CLPTM1L: variants seen among roughly 807,000 people sequenced by gnomAD.
CLPTM1L encodes lipid scramblase CLPTM1L.
Under a neutral mutation model 70.9 loss-of-function variants are expected in CLPTM1L, and 38 were observed. The observed-to-expected ratio is 0.54, with a 90% CI of 0.41 to 0.70. CLPTM1L has a LOEUF of 0.70. CLPTM1L is among the 30% of genes least tolerant of loss of function. The pLI is 0.00. For synonymous variants in CLPTM1L, 339 were observed against 299.9 expected (o/e 1.13, Z -1.35); for missense variants, 652 against 705.9 (o/e 0.92, Z 0.87).
At position 1,341,798 on chromosome 5, in the gene CLPTM1L, A is replaced by C. The variant is rs773500864; in HGVS notation, c.326T>G (p.Phe109Cys). The change falls in exon 3 of 17, where the codon TTC becomes TGC. Residue 109 changes from phenylalanine to cysteine, a missense_variant. Transcript: ENST00000320895. ...CGGCAGGACCCCAGCGTGATGGAGG[A>C]AGATGTAGGCATACAGCGTCCCATT... The part of the protein sequence containing the change: ...RNNGTLYAYI[F>C]LHHAGVLPWH... The C allele has an allele frequency of 9.3e-6, 15 of 1,614,090 alleles. No homozygotes were observed. The highest frequency in any genetic ancestry group is 3.3e-5 in the Admixed American group (2 of 60,018).
chr5:1,335,006 G>C, intron 6 of CLPTM1L, 51 bp downstream of exon 6: 3 of 1,445,520 alleles, frequency 2.1e-6, no homozygotes, highest in Non-Finnish European at 2.9e-6. Context: ...TTGGATGCCC[G>C]AGGGGCTCCA....
intron 15 of CLPTM1L, among the ~76,000 whole-genome samples, chr5:1,321,019 G>A (rs1752118810): frequency 6.6e-6 from 1 of 152,138 alleles, no homozygotes; most frequent in Non-Finnish European, 1.5e-5. Context: ...GGCTGGAGCC[G>A]CCCGAGACAG....
rs186051289 is a variant in CLPTM1L, at chr5:1,339,078, A to G, written c.454-73T>C. ...CCCAGGACAGCAGGGTCAGCCCCCT[A>G]ACCTGCGAACAGAACGGCCACACAG... On this transcript the variant is annotated intron_variant, in intron 3 of 16. Transcript: ENST00000320895. 3.3e-3 allele frequency: 5,010 copies of G among 1,530,288 alleles called. 12 individuals are homozygous for G. Among genetic ancestry groups the G allele is most frequent in the Middle Eastern group, 4.1e-3 (24 of 5,854 alleles). 94.8% of individuals were successfully genotyped at this position (1,530,288 alleles called of 1,614,324 possible).
At position 1,342,608 on chromosome 5, in the gene CLPTM1L, G is replaced by C. The variant is rs1399733279; in HGVS notation, c.264-748C>G. Among the ~76,000 whole-genome samples the C allele has an allele frequency of 6.6e-6, 1 of 152,104 alleles. No homozygotes were observed. The highest frequency in any genetic ancestry group is 1.5e-5 in the Non-Finnish European group (1 of 68,006). Reference sequence around the variant, plus strand: ...CTTCCTCTTTAAAAGTCTCTTTTTTGAGACAAGGTCTCGCTGTCACCAGGC... The same window carrying C: ...CTTCCTCTTTAAAAGTCTCTTTTTTCAGACAAGGTCTCGCTGTCACCAGGC... On this transcript the variant is annotated intron_variant, in intron 2 of 16. Transcript: ENST00000320895. The surrounding 1 kb of genome is among the most constrained non-coding windows in gnomAD (Gnocchi z 4.3).
rs764992450 is a variant in CLPTM1L, at chr5:1,344,410, C to T, written c.204G>A (p.Glu68=). 29 of 1,613,862 alleles carry T rather than the reference C, an allele frequency of 1.8e-5. No individual in the cohort carries two copies. Among genetic ancestry groups the T allele is most frequent in the Non-Finnish European group, 2.5e-5 (29 of 1,179,978 alleles). ...YTTTRSHLGA[E]NNIDLVLNVE... Reference sequence around the variant, plus strand: ...CATTCAAGACCAGGTCGATGTTGTTCTCAGCACCCAGGTGGGACCTCGTCG... The same window carrying T: ...CATTCAAGACCAGGTCGATGTTGTTTTCAGCACCCAGGTGGGACCTCGTCG... The change falls in exon 2 of 17, where the codon GAG becomes GAA. Residue 68 remains glutamate (E), a synonymous_variant. Coordinates refer to ENST00000320895, the MANE Select transcript of CLPTM1L (RefSeq NM_030782.5).
intron 2 of CLPTM1L, among the ~76,000 whole-genome samples, chr5:1,343,142 G>A (rs1376203809): frequency 1.3e-5 from 2 of 151,280 alleles, no homozygotes; most frequent in South Asian, 4.2e-4. Flanking sequence ...AGTGAGCAGA[G>A]ATCACGCCAC....
chr5:1,341,156 T>C (rs1394503340), intron 3 of CLPTM1L, among the ~76,000 whole-genome samples: 1 of 152,242 alleles, frequency 6.6e-6, no homozygotes, highest in Non-Finnish European at 1.5e-5. Flanking sequence ...CATGATCACT[T>C]AAGTGACTTC....
At position 1,334,271 on chromosome 5, in the gene CLPTM1L, C is replaced by T. The variant is rs372080410; in HGVS notation, c.891+18G>A. 7.5e-6 allele frequency: 12 copies of T among 1,604,738 alleles called. No homozygotes were observed. The highest frequency in any genetic ancestry group is 1.0e-5 in the Non-Finnish European group (12 of 1,171,982). On this transcript the variant is annotated intron_variant, in intron 7 of 16. Transcript: ENST00000320895. ...GCCCCCCAAGTGCCTGCGGCAAGCCCCCCGGTGGATGACTCACATGGAACG... is the reference window on the plus strand; with the variant it reads ...GCCCCCCAAGTGCCTGCGGCAAGCCTCCCGGTGGATGACTCACATGGAACG...
rs1280582192 is a variant in CLPTM1L at position 1,320,373 on chromosome 5, C to T, written c.1532+243G>A. ...TGCTTTCAGTGGCTCATCAATAATT[C>T]ACATAGAAACGAGCATTTCTAAAGC... On this transcript the variant is annotated intron_variant, in intron 16 of 16. Transcript: ENST00000320895. 6 of 413,258 alleles carry T rather than the reference C, an allele frequency of 1.5e-5. No homozygotes were observed. In the Admixed American group the frequency reaches 2.6e-4, roughly 18 times the overall value. 25.6% of individuals were successfully genotyped at this position (413,258 alleles called of 1,614,324 possible). A position where few individuals can be genotyped will look rare whatever the true frequency, so the allele number is the denominator to read the frequency against.
intron 10 of CLPTM1L, 43 bp downstream of exon 10, chr5:1,325,701 TCACACTC>T: frequency 6.6e-7 from 1 of 1,525,882 alleles, no homozygotes; most frequent in African/African-American, 1.4e-5. Context: ...GGGGGCAAAA[TCACACTC>T]TTCAGAGAGG....
intron 3 of CLPTM1L, among the ~76,000 whole-genome samples, chr5:1,339,323 G>C (rs1225065056): frequency 1.4e-5 from 2 of 147,510 alleles, no homozygotes. Flanking sequence ...CGGGACAGCA[G>C]GGTCAGCGCC....
chr5:1,339,063 C>G (rs1753770521), intron 3 of CLPTM1L, 58 bp from the exon 4 acceptor site: 2 of 1,574,926 alleles, frequency 1.3e-6, no homozygotes, highest in South Asian at 1.1e-5. Context: ...CCCAGGACAG[C>G]AGGGTCAGCC....
chr5:1,323,929 A>G, intron 11 of CLPTM1L, 60 bp from the exon 12 acceptor site: 7 of 1,288,184 alleles, frequency 5.4e-6, no homozygotes, highest in Non-Finnish European at 7.9e-6. Flanking sequence ...CTGTAAACAC[A>G]CTGCATGGAG....
At chr5:1,327,775 G>C (rs1298746610) in intron 9 of CLPTM1L, among the ~76,000 whole-genome samples, 183 of 88,180 alleles carry the variant, frequency 2.1e-3, no homozygotes, top group East Asian at 4.5e-3. Context: ...CCTCTACAGG[G>C]ACATTCCACC....
chr5:1,318,543 A>G lies in CLPTM1L; in HGVS notation c.1533-90T>C. On this transcript the variant is annotated intron_variant, in intron 16 of 16. Transcript: ENST00000320895. This position sits in a 1 kb window ranked among gnomAD's most constrained non-coding sequence, Gnocchi z 8.9. ...ACTTGGCATCCTCGATTTATTTTCC[A>G]GTGAGCTGCCACAGTGAGCAAATTA... 1.9e-6 allele frequency: 2 copies of G among 1,060,432 alleles called. No individual in the cohort carries two copies. The highest frequency in any genetic ancestry group is 1.3e-5 in the South Asian group (1 of 74,774). 65.7% of individuals were successfully genotyped at this position (1,060,432 alleles called of 1,614,324 possible).
chr5:1,343,060 G>A (rs1177550103), intron 2 of CLPTM1L, among the ~76,000 whole-genome samples: 4 of 152,170 alleles, frequency 2.6e-5, no homozygotes, highest in Non-Finnish European at 5.9e-5. Context: ...GCGTGGTGGC[G>A]GGTGCCTGTA....
rs201366704 is a variant in CLPTM1L at position 1,322,920 on chromosome 5, G to GA, written c.1281-10dup. On this transcript the variant is annotated splice_polypyrimidine_tract_variant and intron_variant, in intron 12 of 16. Transcript: ENST00000320895. ...TTAACCAGGAGTACCAGCTGAAACG[G>GA]AAAAAAAAGGAGAAGTCCTATTTCT... 22,140 of 1,606,540 alleles carry GA rather than the reference G, an allele frequency of 0.014. 179 individuals are homozygous for GA. The highest frequency in any genetic ancestry group is 0.016 in the South Asian group (1,466 of 90,526).
In CLPTM1L at chr5:1,331,632, C is replaced by T. The variant is rs549625727; in HGVS notation, c.976+167G>A. On this transcript the variant is annotated intron_variant, in intron 8 of 16. Coordinates refer to ENST00000320895, the MANE Select transcript of CLPTM1L (RefSeq NM_030782.5). ...GATGGTCCCACCACAATTGCCGCAACGGCTCCCTGGGCTTTACGGTGCCTG... is the reference window on the plus strand; with the variant it reads ...GATGGTCCCACCACAATTGCCGCAATGGCTCCCTGGGCTTTACGGTGCCTG... 494 of 626,504 alleles carry T rather than the reference C, an allele frequency of 7.9e-4. 15 individuals are homozygous for T. The South Asian group carries it at 8.8e-3, about 11-fold the overall frequency. 38.8% of individuals were successfully genotyped at this position (626,504 alleles called of 1,614,324 possible). A position where few individuals can be genotyped will look rare whatever the true frequency, so the allele number is the denominator to read the frequency against.
intron 3 of CLPTM1L, among the ~76,000 whole-genome samples, chr5:1,341,180 C>A (rs909145587): frequency 6.6e-6 from 1 of 152,220 alleles, no homozygotes; most frequent in African/African-American, 2.4e-5. Flanking sequence ...TTTTTATTTG[C>A]GCATACACCT....
Sources: gnomAD v4.1 joint callset for allele counts (sites outside exome capture counted in the v4.1 genomes callset) on GRCh38, gnomAD v4.1.1 for gene constraint, Gnocchi (gnomAD v3.1) non-coding constraint, MANE v1.5 for transcripts, NCBI Gene and HGNC (gene_info 2026-07-23, HGNC 2026-07-21) for gene names.